Variants in PPA2 observed in about 807,000 individuals in gnomAD.
PPA2 encodes the protein inorganic pyrophosphatase 2, mitochondrial.
Under a neutral mutation model 49.5 loss-of-function variants are expected in PPA2, and 48 were observed. That is an observed-to-expected ratio of 0.97 (90% CI 0.77 to 1.23). The LOEUF (loss-of-function observed/expected upper bound fraction) is 1.23, where lower values mean the gene tolerates loss of function less well. Ranked by LOEUF, PPA2 falls within the 50% of genes most tolerant of loss-of-function variation. The pLI, the probability that PPA2 is intolerant of heterozygous loss-of-function variation, is 0.00. For synonymous variants in PPA2, 131 were observed against 139.9 expected, an observed-to-expected ratio of 0.94 and a Z score of 0.45; for missense variants, 429 against 410.1, an observed-to-expected ratio of 1.05 and a Z score of -0.40.
At chr4:105,414,169 C>CA (rs1471065218) in intron 7 of PPA2, among the ~76,000 whole-genome samples, 3 of 151,856 alleles carry the variant, frequency 2.0e-5, no homozygotes, top group South Asian at 2.1e-4. Flanking sequence ...ATCAGATTGG[C>CA]AAAAAAATAA....
rs1051534109 is a variant in PPA2, at chr4:105,369,343, G to C, written c.*382C>G. ...GGGCTCAAGCAGTTCTTCTGCCTCA[G>C]CCTCCTGAGTAGCTGGGTCTACAGG... is the stretch of plus-strand genomic sequence containing the variant. On this transcript the variant is annotated 3_prime_UTR_variant, in exon 12 of 12. Transcript: ENST00000341695. The C allele has an allele frequency of 6.3e-6, 1 of 158,684 alleles. No individual in the cohort carries two copies. The highest frequency in any genetic ancestry group is 1.4e-5 in the Non-Finnish European group (1 of 72,694). The allele number at this position is 158,684 out of a possible 1,614,324, so 9.8% of individuals were successfully genotyped here.
chr4:105,401,137 G>A (rs990336284), intron 7 of PPA2, among the ~76,000 whole-genome samples: 2 of 152,046 alleles, frequency 1.3e-5, no homozygotes, highest in Admixed American at 6.6e-5. Flanking sequence ...AAACTTATTT[G>A]TAGTTTATGA....
chr4:105,462,354 G>T (rs1051806480), intron 1 of PPA2, among the ~76,000 whole-genome samples: 1 of 152,164 alleles, frequency 6.6e-6, no homozygotes, highest in Non-Finnish European at 1.5e-5. Flanking sequence ...ACAAGCTATT[G>T]CCAATTTGCT....
At chr4:105,400,017 C>T (rs1036355077) in intron 7 of PPA2, among the ~76,000 whole-genome samples, 3 of 152,122 alleles carry the variant, frequency 2.0e-5, no homozygotes, top group African/African-American at 4.8e-5. Context: ...ACTTAGTAGC[C>T]TTCTCAGTTA....
chr4:105,380,661 G>A (rs1222846010), intron 10 of PPA2, among the ~76,000 whole-genome samples: 2 of 151,936 alleles, frequency 1.3e-5, no homozygotes, highest in Non-Finnish European at 2.9e-5. Flanking sequence ...CTTCTCAGAG[G>A]TAACTTCTGG....
chr4:105,429,297 G>A lies in PPA2; in HGVS notation c.529-4975C>T, dbSNP rs571600171. On this transcript the variant is annotated intron_variant, in intron 6 of 11. Coordinates refer to ENST00000341695, the MANE Select transcript of PPA2 (RefSeq NM_176869.3). Reference sequence around the variant, plus strand: ...GACCAAGAGGCAGAATACAAGAAACGAGTAGATGAGAGTAACTAACAAAGA... The same window carrying A: ...GACCAAGAGGCAGAATACAAGAAACAAGTAGATGAGAGTAACTAACAAAGA... 3.9e-5 allele frequency among the ~76,000 whole-genome samples: 6 copies of A among 152,284 alleles called. No individual in the cohort carries two copies. The East Asian group carries it at 5.8e-4, about 15-fold the overall frequency.
At chr4:105,462,466 G>A (rs1193402595) in intron 1 of PPA2, among the ~76,000 whole-genome samples, 2 of 152,172 alleles carry the variant, frequency 1.3e-5, no homozygotes, top group African/African-American at 4.8e-5. Flanking sequence ...CCACTCCTGA[G>A]AGCAACCCAT....
chr4:105,377,754 T>C (rs1170641904), intron 10 of PPA2, among the ~76,000 whole-genome samples: 1 of 152,174 alleles, frequency 6.6e-6, no homozygotes, highest in Non-Finnish European at 1.5e-5. Flanking sequence ...TCATTATACA[T>C]TAGCTTGCAT....
intron 1 of PPA2, among the ~76,000 whole-genome samples, chr4:105,471,091 G>A (rs149623234): frequency 6.6e-6 from 1 of 152,318 alleles, no homozygotes; most frequent in African/African-American, 2.4e-5. Flanking sequence ...AATGGGAAGT[G>A]TTCTAATTTA....
chr4:105,409,057 T>C (rs1722619484), intron 7 of PPA2, among the ~76,000 whole-genome samples: 1 of 152,106 alleles, frequency 6.6e-6, no homozygotes, highest in African/African-American at 2.4e-5. Context: ...GGTTGGACAG[T>C]GGGTACAGCC....
intron 7 of PPA2, among the ~76,000 whole-genome samples, chr4:105,403,268 C>A (rs1215164941): frequency 2.0e-5 from 3 of 152,194 alleles, no homozygotes; most frequent in African/African-American, 7.2e-5. Context: ...TGGTCTTGAA[C>A]TCCTGGGCTC....
intron 1 of PPA2, among the ~76,000 whole-genome samples, chr4:105,457,494 T>C (rs551065654): frequency 6.6e-6 from 1 of 152,386 alleles, no homozygotes; most frequent in African/African-American, 2.4e-5. Context: ...CTGTTTGGCA[T>C]AATTTTCAAA....
intron 7 of PPA2, among the ~76,000 whole-genome samples, chr4:105,415,476 T>C (rs1344958768): frequency 3.3e-5 from 5 of 152,212 alleles, no homozygotes; most frequent in African/African-American, 1.2e-4. Flanking sequence ...AGGATCGGCC[T>C]CGACTTCACT....
intron 10 of PPA2, among the ~76,000 whole-genome samples, chr4:105,373,825 GATA>G (rs1733128778): frequency 6.6e-6 from 1 of 151,180 alleles, no homozygotes; most frequent in African/African-American, 2.4e-5. Flanking sequence ...GACACTCAGA[GATA>G]ATGATAAAGT....
At chr4:105,461,973 A>T (rs1353640254) in intron 1 of PPA2, among the ~76,000 whole-genome samples, 1 of 152,244 alleles carries the variant, frequency 6.6e-6, no homozygotes, top group Non-Finnish European at 1.5e-5. Context: ...ACTCATTAAA[A>T]GTTTTCCAGG....
chr4:105,416,546 T>G (rs1224230321), intron 7 of PPA2, among the ~76,000 whole-genome samples: 1 of 152,194 alleles, frequency 6.6e-6, no homozygotes, highest in Non-Finnish European at 1.5e-5. Context: ...GCACAACTAG[T>G]ACCCTCTAAA....
At chr4:105,411,181 A>G (rs1722738049) in intron 7 of PPA2, among the ~76,000 whole-genome samples, 1 of 152,236 alleles carries the variant, frequency 6.6e-6, no homozygotes, top group Non-Finnish European at 1.5e-5. Context: ...TCTCAAGTGC[A>G]GAGACACACT....
rs559543727 is a variant in PPA2 at position 105,405,341 on chromosome 4, C to G, written c.656-6177G>C. The G allele has an allele frequency of 6.8e-5, 52 of 765,674 alleles. No homozygotes were observed. In the South Asian group the frequency reaches 2.9e-3, roughly 43 times the overall value. The allele number at this position is 765,674 out of a possible 1,614,324, so 47.4% of individuals were successfully genotyped here. ...TTTGCTATACACATATAGTTTTTCA[C>G]TTATAGTAAAGACCCTAAATGAATT... On this transcript the variant is annotated intron_variant, in intron 7 of 11. Coordinates refer to ENST00000341695, the MANE Select transcript of PPA2 (RefSeq NM_176869.3).
intron 1 of PPA2, among the ~76,000 whole-genome samples, chr4:105,471,802 C>A (rs190876878): frequency 6.6e-6 from 1 of 152,330 alleles, no homozygotes; most frequent in East Asian, 1.9e-4. Context: ...TTAACCAACA[C>A]ACCTTCCAAT....
Sources: gnomAD v4.1 joint callset for allele counts (sites outside exome capture counted in the v4.1 genomes callset) on GRCh38, gnomAD v4.1.1 for gene constraint, MANE v1.5 for transcripts, NCBI Gene and HGNC (gene_info 2026-07-23, HGNC 2026-07-21) for gene names.